Variants in C11orf65 observed in about 807,000 individuals in gnomAD.
C11orf65 encodes the protein protein MFI.
In C11orf65, 38 loss-of-function variants were observed where a neutral mutation model predicts 35.3. That is an observed-to-expected ratio of 1.08 (90% CI 0.83 to 1.41). C11orf65 has a LOEUF of 1.41. C11orf65 is among the 40% of genes most tolerant of loss of function. C11orf65 has a pLI of 0.00. For synonymous variants in C11orf65, 105 were observed against 114.4 expected, an observed-to-expected ratio of 0.92 and a Z score of 0.53; for missense variants, 370 against 367.1, an observed-to-expected ratio of 1.01 and a Z score of -0.06.
At chr11:108,339,743 C>G (rs1260566484) in intron 2 of C11orf65, among the ~76,000 whole-genome samples, 1 of 152,106 alleles carries the variant, frequency 6.6e-6, no homozygotes, top group African/African-American at 2.4e-5. Context: ...GATTCCCCCT[C>G]CCCGCCCCAG....
intron 6 of C11orf65, chr11:108,310,341 T>A: frequency 6.3e-7 from 1 of 1,598,432 alleles, no homozygotes. Context: ...ATTTTTGGTT[T>A]TTAAAATTAA....
At chr11:108,325,971 G>T (rs1208261997) in intron 6 of C11orf65, 1 of 1,471,882 alleles carries the variant, frequency 6.8e-7, no homozygotes, top group East Asian at 2.3e-5. Context: ...TCAATGAATG[G>T]TAGTTGCTGC....
Position 108,325,160 on chromosome 11 carries a change from G to A in C11orf65, c.641-16089C>T, listed in dbSNP as rs1246036037. The stretch of plus-strand genomic sequence containing the variant: ...TAGTTTTCTAAATTTTGATCCATAT[G>A]TAGGATTATTTACAAGTTCTAGTCT... On this transcript the variant is annotated intron_variant, in intron 6 of 6. Transcript: ENST00000525729. 2.2e-5 allele frequency: 13 copies of A among 600,420 alleles called. No individual in the cohort carries two copies. In the East Asian group the frequency reaches 3.4e-4, roughly 16 times the overall value. 37.2% of individuals were successfully genotyped at this position (600,420 alleles called of 1,614,324 possible).
chr11:108,387,147 TC>T (rs56894166), intron 7 of C11orf65, among the ~76,000 whole-genome samples: 21 of 118,360 alleles, frequency 1.8e-4, no homozygotes, highest in African/African-American at 5.5e-4. Flanking sequence ...TTTCTTTCTT[TC>T]TTTTTTTTTT....
At chr11:108,336,564 C>T (rs187593484) in intron 2 of C11orf65, among the ~76,000 whole-genome samples, 87 of 152,182 alleles carry the variant, frequency 5.7e-4, no homozygotes, top group Admixed American at 1.2e-3. Flanking sequence ...AAGTCCTTAT[C>T]GATGGGCATT....
chr11:108,327,594 G>A (rs2085800355), downstream of C11orf65: 2 of 1,434,552 alleles, frequency 1.4e-6, no homozygotes, highest in Admixed American at 1.7e-5. Context: ...GGGCAGTTGG[G>A]TACAGTCATG....
intron 7 of C11orf65, 117 bp downstream of exon 7, chr11:108,393,091 G>GTTTTTTTTTT: frequency 3.9e-6 from 4 of 1,026,092 alleles, no homozygotes; most frequent in Non-Finnish European, 2.8e-6. Context: ...AGATACTCGG[G>GTTTTTTTTTT]TTTTTTTTTT....
At chr11:108,351,496 G>A (rs2089196548) in intron 2 of C11orf65, among the ~76,000 whole-genome samples, 1 of 152,222 alleles carries the variant, frequency 6.6e-6, no homozygotes, top group South Asian at 2.1e-4. Context: ...CAGCTGGACA[G>A]TTTTCACTTA....
intron 6 of C11orf65, among the ~76,000 whole-genome samples, chr11:108,317,197 C>T (rs946721913): frequency 6.6e-5 from 10 of 151,886 alleles, no homozygotes; most frequent in Non-Finnish European, 1.5e-5. Flanking sequence ...CCTCAGCCTC[C>T]CAAAGTGCTG....
chr11:108,462,207 C>T (rs1591623431), intron 1 of C11orf65, among the ~76,000 whole-genome samples: 1 of 151,906 alleles, frequency 6.6e-6, no homozygotes, highest in East Asian at 2.0e-4. Flanking sequence ...CGATGCCTAG[C>T]TAATTTTTAA....
At chr11:108,359,289 C>A (rs1339035611) in intron 2 of C11orf65, among the ~76,000 whole-genome samples, 2 of 151,710 alleles carry the variant, frequency 1.3e-5, no homozygotes, top group Admixed American at 6.6e-5. Context: ...CACCCAGATT[C>A]ATAAAGCAAG....
chr11:108,344,890 G>C (rs921363570), intron 2 of C11orf65, among the ~76,000 whole-genome samples: 1 of 151,982 alleles, frequency 6.6e-6, no homozygotes, highest in African/African-American at 2.4e-5. Flanking sequence ...TGTAATCCCA[G>C]CTACTCAAGA....
Position 108,377,507 on chromosome 11 carries a change from G to A in C11orf65, c.226+15701C>T, listed in dbSNP as rs867049776. Among the ~76,000 whole-genome samples, 1,150 of 151,962 alleles carry A rather than the reference G, an allele frequency of 7.6e-3. 10 individuals carry two copies. Among genetic ancestry groups the A allele is most frequent in the African/African-American group, 0.025 (1,018 of 41,398 alleles). ...AAAATAATAAGAGCTATCTATGACA[G>A]TCCCACAGCCAATATCATACTGAAT... is the stretch of plus-strand genomic sequence containing the variant. On this transcript the variant is annotated intron_variant, in intron 2 of 3. Transcript: ENST00000524755.
chr11:108,459,653 T>C (rs1008843283), intron 2 of C11orf65, among the ~76,000 whole-genome samples: 2 of 151,896 alleles, frequency 1.3e-5, no homozygotes, highest in African/African-American at 4.8e-5. Context: ...CTCTTTGTTA[T>C]GGATTAACCT....
At chr11:108,349,233 G>A (rs2088869720) in intron 2 of C11orf65, among the ~76,000 whole-genome samples, 1 of 152,208 alleles carries the variant, frequency 6.6e-6, no homozygotes, top group Non-Finnish European at 1.5e-5. Flanking sequence ...GGTCAGAGAG[G>A]ATGAATGCTG....
intron 2 of C11orf65, among the ~76,000 whole-genome samples, chr11:108,439,698 T>C (rs1224215423): frequency 6.6e-6 from 1 of 152,196 alleles, no homozygotes; most frequent in Non-Finnish European, 1.5e-5. Flanking sequence ...TTGAAAATGT[T>C]ATGTTGAGTA....
rs139599686 is a variant in C11orf65 at position 108,424,666 on chromosome 11, T to C, written c.174+7080A>G. On this transcript the variant is annotated intron_variant, in intron 3 of 8. Coordinates refer to ENST00000393084, the MANE Select transcript of C11orf65 (RefSeq NM_152587.5). ...TCAGCTCTAGACCAAGCAGACCTAATAGACATCTACAGAACTCTCCACCCC... is the reference window on the plus strand; with the variant it reads ...TCAGCTCTAGACCAAGCAGACCTAACAGACATCTACAGAACTCTCCACCCC... Among the ~76,000 whole-genome samples the C allele has an allele frequency of 3.1e-3, 479 of 152,264 alleles. 1 individual carries two copies. The highest frequency in any genetic ancestry group is 5.1e-3 in the Non-Finnish European group (345 of 68,012).
chr11:108,426,529 C>T (rs1234571596), intron 3 of C11orf65, among the ~76,000 whole-genome samples: 2 of 152,156 alleles, frequency 1.3e-5, no homozygotes, highest in Non-Finnish European at 2.9e-5. Context: ...ACATTCCATG[C>T]TCATGAATAG....
intron 2 of C11orf65, among the ~76,000 whole-genome samples, chr11:108,361,955 A>C (rs1409627082): frequency 7.2e-6 from 1 of 139,430 alleles, no homozygotes; most frequent in East Asian, 2.1e-4. Flanking sequence ...AATGGGATCT[A>C]ATTAAACTAA....
Sources: allele counts gnomAD v4.1 joint callset (sites outside exome capture counted in the v4.1 genomes callset), GRCh38; gene constraint gnomAD v4.1.1; transcripts MANE v1.5; gene names NCBI Gene and HGNC (gene_info 2026-07-23, HGNC 2026-07-21).